Variants in MAT2B observed in about 807,000 individuals in gnomAD.
The protein encoded by MAT2B is methionine adenosyltransferase 2 subunit beta.
Under a neutral mutation model 36.1 loss-of-function variants are expected in MAT2B, and 16 were observed. That is an observed-to-expected ratio of 0.44 (90% CI 0.30 to 0.67). The LOEUF (loss-of-function observed/expected upper bound fraction) is 0.67, where lower values mean the gene tolerates loss of function less well. Ranked by LOEUF, MAT2B falls within the 30% of genes least tolerant of loss-of-function variation. The pLI is 0.09. For synonymous variants in MAT2B, 148 were observed against 136.9 expected, an observed-to-expected ratio of 1.08 and a Z score of -0.57; for missense variants, 332 against 398.2, an observed-to-expected ratio of 0.83 and a Z score of 1.42.
chr5:163,517,945 A>G (rs754733816), intron 6 of MAT2B: 44 of 498,886 alleles, frequency 8.8e-5, no homozygotes, highest in Non-Finnish European at 1.3e-4. Context: ...GAGCAAAAAT[A>G]AGTAGCAAAT....
chr5:163,509,382 T>G (rs13360451), intron 1 of MAT2B, among the ~76,000 whole-genome samples: 1 of 152,220 alleles, frequency 6.6e-6, no homozygotes, highest in Non-Finnish European at 1.5e-5. Flanking sequence ...CGGATTGTTA[T>G]GAAAGCTTTG....
chr5:163,508,926 G>A (rs1759992472), intron 1 of MAT2B, among the ~76,000 whole-genome samples: 2 of 152,284 alleles, frequency 1.3e-5, no homozygotes, highest in African/African-American at 2.4e-5. Flanking sequence ...TAGGCCGGGC[G>A]TACTGGAGGC....
At chr5:163,516,406 A>T in intron 4 of MAT2B, 112 bp from the exon 5 acceptor site, 3 of 827,746 alleles carry the variant, frequency 3.6e-6, no homozygotes, top group Non-Finnish European at 5.7e-6. Context: ...GGTATATTTT[A>T]ATTAAAAGGC....
In MAT2B at chr5:163,518,200, A is replaced by G; in HGVS notation, c.842A>G (p.Asp281Gly). 1 of 1,593,572 alleles carries G rather than the reference A, an allele frequency of 6.3e-7. No individual in the cohort carries two copies. Among genetic ancestry groups the G allele is most frequent in the Non-Finnish European group, 8.5e-7 (1 of 1,172,514 alleles). Reference sequence around the variant, plus strand: ...GTTTATCTTTCTTTAAAGATTACTGACAGCCCTGTCCTAGGAGCACAACGT... The same window carrying G: ...GTTTATCTTTCTTTAAAGATTACTGGCAGCCCTGTCCTAGGAGCACAACGT... ...LPSSHLRPIT[D>G]SPVLGAQRPR... is the part of the protein sequence containing the mutation. The change falls in exon 7 of 7, where the codon GAC (aspartate) becomes GGC (glycine). Residue 281 changes from aspartate (D) to glycine (G), a missense_variant. Asp to Gly is a moderately conservative substitution (Grantham distance 94, BLOSUM62 -1). Coordinates refer to ENST00000321757, the MANE Select transcript of MAT2B (RefSeq NM_013283.5).
Position 163,512,054 on chromosome 5 carries a change from T to C in MAT2B, c.116T>C (p.Leu39Pro). 6.2e-7 allele frequency: 1 copy of C among 1,614,214 alleles called. No homozygotes were observed. The highest frequency in any genetic ancestry group is 8.5e-7 in the Non-Finnish European group (1 of 1,180,018). Residue 39 changes from leucine (L) to proline (P), a missense_variant, in exon 2 of 7, where the codon CTT becomes CCT. By Grantham distance (98) the Leu-to-Pro change is moderately conservative. Transcript: ENST00000321757. ...GTTCTGGTTACTGGTGCCACTGGGC[T>C]TCTTGGCAGAGCTGTACACAAAGAA... ...RRVLVTGATG[L>P]LGRAVHKEFQ...
intron 2 of MAT2B, chr5:163,512,872 G>A (rs534099476): frequency 6.8e-6 from 2 of 295,070 alleles, no homozygotes; most frequent in Non-Finnish European, 1.3e-5. Context: ...GTAGAGATGG[G>A]GTTTCACCAT....
intron 1 of MAT2B, among the ~76,000 whole-genome samples, chr5:163,509,662 A>AT (rs1480109872): frequency 6.6e-6 from 1 of 152,084 alleles, no homozygotes; most frequent in Non-Finnish European, 1.5e-5. Flanking sequence ...CTTTTAGAGT[A>AT]TTTTTTCAGG....
At chr5:163,505,546 T>A, upstream of MAT2B, 1 of 1,243,878 alleles carries the variant, frequency 8.0e-7, no homozygotes, top group Non-Finnish European at 1.0e-6. Flanking sequence ...GGCGCGGCTA[T>A]GGCAGCGGAA....
rs766055743 is a variant in MAT2B at position 163,505,678 on chromosome 5, A to G, written c.-9A>G. 10 of 1,281,384 alleles carry G rather than the reference A, an allele frequency of 7.8e-6. No individual in the cohort carries two copies. In the East Asian group the frequency reaches 3.0e-4, roughly 38 times the overall value. 79.4% of individuals were successfully genotyped at this position (1,281,384 alleles called of 1,614,324 possible). On this transcript the variant is annotated 5_prime_UTR_variant, in exon 1 of 7. Coordinates refer to ENST00000321757, the MANE Select transcript of MAT2B (RefSeq NM_013283.5). ...CGGCCGCTGAGGCTGCGGCGTGAAG[A>G]CGGCGGGCATGGTGGGGCGGGAGAA...
intron 2 of MAT2B, 146 bp from the exon 3 acceptor site, chr5:163,513,409 A>G: frequency 3.6e-6 from 2 of 557,654 alleles, no homozygotes; most frequent in South Asian, 2.8e-5. Context: ...CAGCATGACA[A>G]AACTACATTA....
At position 163,512,020 on chromosome 5, in the gene MAT2B, A is replaced by G; in HGVS notation, c.82A>G (p.Asn28Asp). 6.2e-7 allele frequency: 1 copy of G among 1,613,676 alleles called. No individual in the cohort carries two copies. Among genetic ancestry groups the G allele is most frequent in the Non-Finnish European group, 8.5e-7 (1 of 1,179,750 alleles). Residue 28 changes from asparagine to aspartate, a missense_variant, in exon 2 of 7, where the codon AAT becomes GAT. Transcript: ENST00000321757. ...CTTTTAGGAGGAAGTTAACATCCCT[A>G]ATAGGAGGGTTCTGGTTACTGGTGC... ...RLVEEEVNIP[N>D]RRVLVTGATG...
intron 4 of MAT2B, among the ~76,000 whole-genome samples, chr5:163,515,770 CTTTTTTT>C (rs66978639): frequency 8.6e-5 from 6 of 69,812 alleles, no homozygotes; most frequent in East Asian, 8.1e-4. Flanking sequence ...TTGCCTTTTT[CTTTTTTT>C]TTTTTTTTTT....
rs1760136438 is a variant in MAT2B, at chr5:163,516,555, A to G, written c.564A>G (p.Glu188=). The change falls in exon 5 of 7, where the codon GAA becomes GAG. Residue 188 remains glutamate (E), a synonymous_variant. Transcript: ENST00000321757. ...AVLRIPILYG[E]VEKLEESAVT... ...TGAGGATTCCTATTCTGTATGGGGA[A>G]GTTGAAAAGCTCGAAGAAAGTGCTG... The G allele has an allele frequency of 6.2e-7, 1 of 1,614,140 alleles. No homozygotes were observed.
chr5:163,517,771 C>T (rs1272637742), intron 6 of MAT2B, 97 bp downstream of exon 6: 2 of 716,226 alleles, frequency 2.8e-6, no homozygotes, highest in African/African-American at 1.7e-5. Context: ...TCAAAGTGAA[C>T]TTTGCTTGTA....
At chr5:163,510,253 T>C (rs1264043692) in intron 1 of MAT2B, among the ~76,000 whole-genome samples, 1 of 152,234 alleles carries the variant, frequency 6.6e-6, no homozygotes, top group African/African-American at 2.4e-5. Context: ...TTTGGAACTA[T>C]GCTTGGAAAC....
chr5:163,509,251 C>CTTT (rs1430265883), intron 1 of MAT2B, among the ~76,000 whole-genome samples: 1 of 150,930 alleles, frequency 6.6e-6, no homozygotes, highest in Non-Finnish European at 1.5e-5. Flanking sequence ...TGTTTAGTAA[C>CTTT]TTTTGTGGAT....
rs1420905777 is a variant in MAT2B, at chr5:163,516,512, C to T, written c.527-6C>T. 7.4e-6 allele frequency: 12 copies of T among 1,612,438 alleles called. No individual in the cohort carries two copies. Among genetic ancestry groups the T allele is most frequent in the African/African-American group, 1.3e-5 (1 of 74,974 alleles). On this transcript the variant is annotated splice_region_variant and splice_polypyrimidine_tract_variant and intron_variant, in intron 4 of 6. Transcript: ENST00000321757. ...CTTTAAATTATTTGCTTTTATTCTTCTCTAGGAGCTGCTGTTTTGAGGATT... is the reference window on the plus strand; with the variant it reads ...CTTTAAATTATTTGCTTTTATTCTTTTCTAGGAGCTGCTGTTTTGAGGATT...
chr5:163,514,879 C>T (rs1436042101), intron 4 of MAT2B, among the ~76,000 whole-genome samples: 2 of 152,158 alleles, frequency 1.3e-5, no homozygotes, highest in Non-Finnish European at 2.9e-5. Flanking sequence ...TTTCGTGCTG[C>T]TATAACAGAA....
rs923346344 is a variant in MAT2B at position 163,517,125 on chromosome 5, A to G, written c.720+414A>G. 5 of 244,840 alleles carry G rather than the reference A, an allele frequency of 2.0e-5. No homozygotes were observed. The East Asian group carries it at 3.3e-4, about 16-fold the overall frequency. The allele number at this position is 244,840 out of a possible 1,614,324, so 15.2% of individuals were successfully genotyped here. On this transcript the variant is annotated intron_variant, in intron 5 of 6. Transcript: ENST00000321757. ...TTTAGTTTAGAATATTAATAGGATG[A>G]CCACAGTTTTTTAATATATGAGAAT...
Sources: gnomAD v4.1 joint callset for allele counts (sites outside exome capture counted in the v4.1 genomes callset) on GRCh38, gnomAD v4.1.1 for gene constraint, MANE v1.5 for transcripts, NCBI Gene and HGNC (gene_info 2026-07-23, HGNC 2026-07-21) for gene names.